PARD3: variants seen among roughly 807,000 people sequenced by gnomAD.
The protein encoded by PARD3 is par-3 family cell polarity regulator.
In PARD3, 75 loss-of-function variants were observed where a neutral mutation model predicts 155.4. The ratio of observed to expected loss-of-function variants is 0.48; its 90% CI spans 0.40 to 0.58. The LOEUF (loss-of-function observed/expected upper bound fraction) is 0.58, where lower values mean the gene tolerates loss of function less well. PARD3 is among the 20% of genes least tolerant of loss of function. The pLI, the probability that PARD3 is intolerant of heterozygous loss-of-function variation, is 0.00. For synonymous variants in PARD3, 576 were observed against 610.5 expected, an observed-to-expected ratio of 0.94 and a Z score of 0.83; for missense variants, 1,642 against 1,721.7, an observed-to-expected ratio of 0.95 and a Z score of 0.82.
At position 34,111,585 on chromosome 10, in the gene PARD3, T is replaced by A. The variant is rs780594799; in HGVS notation, c.3669-23A>T. 12 of 1,572,778 alleles carry A rather than the reference T, an allele frequency of 7.6e-6. No individual in the cohort carries two copies. In the Admixed American group the frequency reaches 2.1e-4, roughly 28 times the overall value. Reference sequence around the variant, plus strand: ...TGCCTAGAAAGCAAAACCCAAAGGTTAGTGTGAGGGTAGGAAGAAGGAGGG... The same window carrying A: ...TGCCTAGAAAGCAAAACCCAAAGGTAAGTGTGAGGGTAGGAAGAAGGAGGG... On this transcript the variant is annotated intron_variant, in intron 24 of 24. Coordinates refer to ENST00000374788, the MANE Select transcript of PARD3 (RefSeq NM_001184785.2).
At chr10:34,720,060 C>T (rs1400652948) in intron 1 of PARD3, among the ~76,000 whole-genome samples, 1 of 152,188 alleles carries the variant, frequency 6.6e-6, no homozygotes, top group Non-Finnish European at 1.5e-5. Flanking sequence ...GCTTATGGTG[C>T]AGGGTATGTT....
At chr10:34,220,589 C>T (rs1474669411) in intron 22 of PARD3, among the ~76,000 whole-genome samples, 1 of 152,136 alleles carries the variant, frequency 6.6e-6, no homozygotes, top group Non-Finnish European at 1.5e-5. Flanking sequence ...GCTCTGAAAC[C>T]ACAATACAGG....
intron 3 of PARD3, among the ~76,000 whole-genome samples, chr10:34,502,537 T>G (rs986109101): frequency 6.6e-6 from 1 of 152,182 alleles, no homozygotes; most frequent in Non-Finnish European, 1.5e-5. Flanking sequence ...TGATTTGTTA[T>G]AGCAAGAATA....
intron 22 of PARD3, among the ~76,000 whole-genome samples, chr10:34,161,927 G>A (rs532716011): frequency 2.6e-5 from 4 of 152,334 alleles, no homozygotes; most frequent in Non-Finnish European, 5.9e-5. Context: ...AACAGGGAAA[G>A]AGCCCATTTG....
chr10:34,646,003 T>C (rs2092826295), intron 2 of PARD3, among the ~76,000 whole-genome samples: 1 of 152,212 alleles, frequency 6.6e-6, no homozygotes, highest in African/African-American at 2.4e-5. Flanking sequence ...GATAAGAGTA[T>C]ATGTTGTAGG....
Position 34,517,449 on chromosome 10 carries a change from TA to T in PARD3, c.223-291del, listed in dbSNP as rs2081852926. ...AGTCAGGGACAGATATAAATCTTCTTAAAAATATAGGATATTTAAATGGAAA... is the reference window on the plus strand; with the variant it reads ...AGTCAGGGACAGATATAAATCTTCTTAAAATATAGGATATTTAAATGGAAA... On this transcript the variant is annotated intron_variant, in intron 2 of 24. Coordinates refer to ENST00000374788, the MANE Select transcript of PARD3 (RefSeq NM_001184785.2). Among the ~76,000 whole-genome samples, 9 of 152,280 alleles carry T rather than the reference TA, an allele frequency of 5.9e-5. No homozygotes were observed. In the South Asian group the frequency reaches 1.9e-3, roughly 32 times the overall value.
At chr10:34,553,128 C>G (rs1173701051) in intron 2 of PARD3, among the ~76,000 whole-genome samples, 5 of 152,182 alleles carry the variant, frequency 3.3e-5, no homozygotes, top group Non-Finnish European at 2.9e-5. Context: ...GGTTAATCGC[C>G]ATCGATCCAC....
At chr10:34,137,792 G>T (rs116116284) in intron 22 of PARD3, among the ~76,000 whole-genome samples, 11 of 152,144 alleles carry the variant, frequency 7.2e-5, no homozygotes, top group Admixed American at 7.2e-4. Context: ...GCCTGGCCTA[G>T]ATCAGCCAAC....
chr10:34,459,801 C>G (rs1333161471), intron 4 of PARD3, among the ~76,000 whole-genome samples: 2 of 152,030 alleles, frequency 1.3e-5, no homozygotes, highest in Non-Finnish European at 2.9e-5. Flanking sequence ...TCACATATAA[C>G]TAGTCTGACA....
intron 2 of PARD3, among the ~76,000 whole-genome samples, chr10:34,663,105 G>C (rs543807992): frequency 6.6e-6 from 1 of 152,156 alleles, no homozygotes; most frequent in Admixed American, 6.5e-5. Flanking sequence ...GAATGAATAA[G>C]AACTAATATT....
At chr10:34,392,264 CAAAT>C (rs779391188) in intron 7 of PARD3, among the ~76,000 whole-genome samples, 4 of 151,422 alleles carry the variant, frequency 2.6e-5, no homozygotes, top group African/African-American at 7.3e-5. Flanking sequence ...TGTAACTAAG[CAAAT>C]AAATAAAGAG....
chr10:34,464,137 C>G (rs550292357), intron 4 of PARD3, among the ~76,000 whole-genome samples: 1 of 151,246 alleles, frequency 6.6e-6, no homozygotes, highest in Admixed American at 6.6e-5. Context: ...AAAAAAAGAC[C>G]GAGCCCTGAA....
intron 4 of PARD3, among the ~76,000 whole-genome samples, chr10:34,457,258 G>A (rs1377478652): frequency 6.6e-6 from 1 of 152,166 alleles, no homozygotes; most frequent in Non-Finnish European, 1.5e-5. Flanking sequence ...AACGGGCGCG[G>A]ATTTCTCTGA....
chr10:34,143,590 T>C (rs1433141372), intron 22 of PARD3, among the ~76,000 whole-genome samples: 3 of 152,170 alleles, frequency 2.0e-5, no homozygotes, highest in Admixed American at 6.5e-5. Flanking sequence ...CTAAGCTATG[T>C]TTTTTTAAAA....
intron 12 of PARD3, among the ~76,000 whole-genome samples, chr10:34,367,471 A>C (rs914831313): frequency 2.0e-5 from 3 of 151,862 alleles, no homozygotes; most frequent in Non-Finnish European, 4.4e-5. Context: ...TTTGGGAGGC[A>C]GAGGCGGGCA....
At chr10:34,587,195 C>G (rs1321678623) in intron 2 of PARD3, among the ~76,000 whole-genome samples, 2 of 152,172 alleles carry the variant, frequency 1.3e-5, no homozygotes, top group Admixed American at 6.5e-5. Context: ...ACAATCTCGA[C>G]TCACTACAAC....
Position 34,109,862 on chromosome 10 carries a change from G to A in PARD3, c.*1307C>T, listed in dbSNP as rs893329795. On this transcript the variant is annotated 3_prime_UTR_variant, in exon 25 of 25. Coordinates refer to ENST00000374788, the MANE Select transcript of PARD3 (RefSeq NM_001184785.2). ...ACATGTCTTTTTTTCTGTTTTTAAAGTAAATACATGGTATGCTGAGCTTTC... is the reference window on the plus strand; with the variant it reads ...ACATGTCTTTTTTTCTGTTTTTAAAATAAATACATGGTATGCTGAGCTTTC... The A allele has an allele frequency of 6.6e-5, 10 of 151,450 alleles. No individual in the cohort carries two copies. Among genetic ancestry groups the A allele is most frequent in the Admixed American group, 1.3e-4 (2 of 15,216 alleles). The allele number at this position is 151,450 out of a possible 1,614,324, so 9.4% of individuals were successfully genotyped here.
At chr10:34,211,417 G>A (rs753144251) in intron 22 of PARD3, among the ~76,000 whole-genome samples, 13 of 152,140 alleles carry the variant, frequency 8.5e-5, no homozygotes, top group Non-Finnish European at 1.3e-4. Flanking sequence ...GAACTGAGTG[G>A]GGCATACGCA....
At chr10:34,214,356 T>C (rs1231117712) in intron 22 of PARD3, among the ~76,000 whole-genome samples, 2 of 152,158 alleles carry the variant, frequency 1.3e-5, no homozygotes, top group African/African-American at 4.8e-5. Flanking sequence ...GTGATTCTTA[T>C]CAAAAAATTT....
Sources: gnomAD v4.1 joint callset for allele counts (sites outside exome capture counted in the v4.1 genomes callset) on GRCh38, gnomAD v4.1.1 for gene constraint, MANE v1.5 for transcripts, NCBI Gene and HGNC (gene_info 2026-07-23, HGNC 2026-07-21) for gene names.